The following RANBP2 variants were observed in gnomAD, a reference collection of about 807,000 sequenced individuals.
RANBP2 encodes E3 SUMO-protein ligase RanBP2.
RANBP2 carries 57 observed loss-of-function variants against 303.6 expected under a neutral mutation model. That is an observed-to-expected ratio of 0.19 (90% confidence interval 0.15 to 0.23). The LOEUF (loss-of-function observed/expected upper bound fraction) is 0.23. Among genes scored for constraint, RANBP2 ranks in the 10% least tolerant of loss-of-function variants. The pLI is 1.00. For synonymous variants in RANBP2, 1,167 were observed against 1,301.5 expected (o/e 0.90, Z 2.23); for missense variants, 3,138 against 3,780.8 (o/e 0.83, Z 4.46).
At chr2:109,511,633 CT>C in the RANBP2 span, among the ~76,000 whole-genome samples, 1 of 152,198 alleles carries the variant, frequency 6.6e-6, no homozygotes, top group Non-Finnish European at 1.5e-5. Flanking sequence ...GGCACAAGCC[CT>C]GGGGTCAGGG....
At chr2:109,098,330 C>A in the RANBP2 span, among the ~76,000 whole-genome samples, 2 of 152,212 alleles carry the variant, frequency 1.3e-5, no homozygotes, top group Non-Finnish European at 2.9e-5. Context: ...TATCACCAAA[C>A]CCAAACTAAG....
chr2:108,983,996 G>A, the RANBP2 span, among the ~76,000 whole-genome samples: 9 of 152,212 alleles, frequency 5.9e-5, no homozygotes, highest in South Asian at 2.1e-4. Flanking sequence ...GGGGGGCGAC[G>A]GCGATGTCTG....
the RANBP2 span, among the ~76,000 whole-genome samples, chr2:108,872,361 G>A: frequency 6.6e-6 from 1 of 151,984 alleles, no homozygotes. Context: ...ACATACCTCG[G>A]TAAATTATGT....
chr2:108,836,742 CTGT>C, the RANBP2 span, among the ~76,000 whole-genome samples: 1 of 152,018 alleles, frequency 6.6e-6, no homozygotes, highest in African/African-American at 2.4e-5. Context: ...TTTTTCATCA[CTGT>C]TTTGTGGTTT....
the RANBP2 span, among the ~76,000 whole-genome samples, chr2:109,246,021 G>C: frequency 1.3e-5 from 2 of 152,202 alleles, no homozygotes; most frequent in Non-Finnish European, 2.9e-5. Context: ...AAAGAGCATG[G>C]ATTTTTGAAA....
At chr2:109,496,287 G>A in the RANBP2 span, among the ~76,000 whole-genome samples, 20 of 152,250 alleles carry the variant, frequency 1.3e-4, no homozygotes, top group East Asian at 7.7e-4. Flanking sequence ...GCTACAGAGC[G>A]CTGATTGGTG....
the RANBP2 span, among the ~76,000 whole-genome samples, chr2:109,511,875 G>A: frequency 5.9e-5 from 9 of 152,308 alleles, no homozygotes; most frequent in South Asian, 4.1e-4. Flanking sequence ...CCAGGAGGCC[G>A]AGGTGGGGGT....
At chr2:109,093,235 C>CA in the RANBP2 span, among the ~76,000 whole-genome samples, 3 of 152,028 alleles carry the variant, frequency 2.0e-5, no homozygotes, top group Non-Finnish European at 2.9e-5. Context: ...TGTCTTTTCA[C>CA]AATGGTGGCC....
chr2:109,378,361 G>C, the RANBP2 span, among the ~76,000 whole-genome samples: 1 of 152,200 alleles, frequency 6.6e-6, no homozygotes, highest in African/African-American at 2.4e-5. Flanking sequence ...GGGATGGAAG[G>C]ATGGGGGCTC....
chr2:108,938,551 C>T, the RANBP2 span, among the ~76,000 whole-genome samples: 2,286 of 152,212 alleles, frequency 0.015, 29 homozygotes, highest in South Asian at 0.03. Context: ...TTATCCTCAT[C>T]CCAATGTCCT....
intron 21 of RANBP2, 92 bp from the exon 22 acceptor site, chr2:108,772,397 A>C: frequency 1.1e-6 from 1 of 942,742 alleles, no homozygotes. Flanking sequence ...TCAGATGTGG[A>C]GAGTGAGAAA....
At chr2:109,659,454 T>C in the RANBP2 span, among the ~76,000 whole-genome samples, 1 of 152,132 alleles carries the variant, frequency 6.6e-6, no homozygotes. Context: ...TCCATCTCAA[T>C]TGGAGCCCTG....
chr2:109,468,543 G>A, the RANBP2 span, among the ~76,000 whole-genome samples: 11,662 of 152,140 alleles, frequency 0.077, 596 homozygotes, highest in Non-Finnish European at 0.12. Flanking sequence ...GAGCACAAAC[G>A]ATGACCAGTC....
the RANBP2 span, among the ~76,000 whole-genome samples, chr2:109,078,793 T>C: frequency 1.5e-3 from 212 of 142,552 alleles, no homozygotes; most frequent in Non-Finnish European, 1.8e-3. Flanking sequence ...CCATTCTGGC[T>C]AACATGGTGA....
the RANBP2 span, among the ~76,000 whole-genome samples, chr2:108,978,520 A>C: frequency 1.3e-5 from 2 of 152,238 alleles, no homozygotes; most frequent in African/African-American, 2.4e-5. Flanking sequence ...CCACGGGCTT[A>C]GGGAACATGC....
chr2:109,279,857 G>A, the RANBP2 span, among the ~76,000 whole-genome samples: 6 of 152,082 alleles, frequency 3.9e-5, no homozygotes, highest in Non-Finnish European at 8.8e-5. Flanking sequence ...GCCCTGTAGC[G>A]AGGCTTAGGG....
chr2:109,344,125 C>G, the RANBP2 span, among the ~76,000 whole-genome samples: 1 of 152,208 alleles, frequency 6.6e-6, no homozygotes, highest in African/African-American at 2.4e-5. Context: ...TTTGAATTAA[C>G]AGCATATAGA....
intron 23 of RANBP2, among the ~76,000 whole-genome samples, chr2:108,774,890 C>T (rs1677767889): frequency 6.6e-6 from 1 of 151,914 alleles, no homozygotes; most frequent in South Asian, 2.1e-4. Flanking sequence ...CGGGGTTTCA[C>T]CATGTTGGTA....
rs2149223295 is a variant in RANBP2, at chr2:108,751,986, C to T, written c.1747C>T (p.Gln583Ter). ...GCTTGTACATTGGGCAGAATGCCTT[C>T]AGAAAACGGTGAGTTTTAAAGTATA... The part of the protein sequence containing the change: ...ALLVHWAECL[Q>*]KTGSGLNSFY... The change falls in exon 12 of 29, where the codon CAG becomes TAG. Residue 583 changes from glutamine to a stop codon, truncating the protein, a stop_gained. Transcript: ENST00000283195. LOFTEE classifies it high-confidence loss of function. The T allele has an allele frequency of 6.2e-7, 1 of 1,611,942 alleles. No homozygotes were observed. Among genetic ancestry groups the T allele is most frequent in the South Asian group, 1.1e-5 (1 of 90,990 alleles).
Sources: gnomAD v4.1 joint callset for allele counts (sites outside exome capture counted in the v4.1 genomes callset) on GRCh38, gnomAD v4.1.1 for gene constraint, MANE v1.5 for transcripts, NCBI Gene and HGNC (gene_info 2026-07-23, HGNC 2026-07-21) for gene names.